The following CACNA1C variants were observed in gnomAD, a reference collection of about 807,000 sequenced individuals.
CACNA1C encodes voltage-dependent L-type calcium channel subunit alpha-1C.
A neutral mutation model predicts 229.0 loss-of-function variants in CACNA1C; 30 were observed. The observed-to-expected ratio is 0.13, with a 90% CI of 0.10 to 0.18. CACNA1C has a LOEUF of 0.18. Ranked by LOEUF, CACNA1C falls within the 10% of genes least tolerant of loss-of-function variation. CACNA1C has a pLI of 1.00. For missense variants in CACNA1C, 1,658 were observed against 2,845.0 expected, an observed-to-expected ratio of 0.58 and a Z score of 9.49; for synonymous variants, 1,114 against 1,132.5, an observed-to-expected ratio of 0.98 and a Z score of 0.33.
intron 31 of CACNA1C, among the ~76,000 whole-genome samples, chr12:2,650,376 T>C (rs928755072): frequency 6.6e-6 from 1 of 152,078 alleles, no homozygotes; most frequent in African/African-American, 2.4e-5. Flanking sequence ...TAGAAATAAT[T>C]AAAGATAAAA....
chr12:2,606,765 T>C, intron 25 of CACNA1C, 102 bp downstream of exon 25: 1 of 1,051,562 alleles, frequency 9.5e-7, no homozygotes, highest in Non-Finnish European at 1.4e-6. Flanking sequence ...AAGACTGCAG[T>C]GGCACCTGCG....
At chr12:2,278,876 A>G (rs1022189897) in intron 3 of CACNA1C, among the ~76,000 whole-genome samples, 1 of 152,224 alleles carries the variant, frequency 6.6e-6, no homozygotes, top group Admixed American at 6.5e-5. Context: ...TGGTTCTTCT[A>G]CATCCTCACC....
chr12:2,341,150 G>A (rs1439576830), intron 3 of CACNA1C, among the ~76,000 whole-genome samples: 3 of 152,126 alleles, frequency 2.0e-5, no homozygotes, highest in Non-Finnish European at 2.9e-5. Context: ...TTTCACCTGC[G>A]GTGGCTTGGG....
At chr12:2,160,421 A>G (rs1439703163) in intron 3 of CACNA1C, among the ~76,000 whole-genome samples, 1 of 152,198 alleles carries the variant, frequency 6.6e-6, no homozygotes, top group African/African-American at 2.4e-5. Flanking sequence ...GCATCCTCAG[A>G]CGGCTCGTAA....
intron 3 of CACNA1C, among the ~76,000 whole-genome samples, chr12:2,260,932 A>G (rs1213429762): frequency 6.6e-6 from 1 of 152,172 alleles, no homozygotes; most frequent in Non-Finnish European, 1.5e-5. Context: ...AACTTAATTC[A>G]TTAAAAAACC....
At chr12:2,151,719 T>C (rs2154215554) in intron 3 of CACNA1C, among the ~76,000 whole-genome samples, 1 of 151,792 alleles carries the variant, frequency 6.6e-6, no homozygotes, top group South Asian at 2.1e-4. Context: ...ATGAAGAGAG[T>C]GTTACAAAAA....
At chr12:2,482,964 A>G (rs1017778474) in intron 5 of CACNA1C, among the ~76,000 whole-genome samples, 3 of 152,204 alleles carry the variant, frequency 2.0e-5, no homozygotes, top group African/African-American at 7.2e-5. Flanking sequence ...TCTAATGATT[A>G]TTGAATGATG....
At chr12:1,994,145 A>G (rs894901509) in intron 1 of CACNA1C, among the ~76,000 whole-genome samples, 1 of 152,254 alleles carries the variant, frequency 6.6e-6, no homozygotes, top group Non-Finnish European at 1.5e-5. Flanking sequence ...AAACTCTAAC[A>G]ACTACATGTG....
chr12:2,512,417 T>A lies in CACNA1C; in HGVS notation c.1218-395T>A, dbSNP rs1454428172. On this transcript the variant is annotated intron_variant, in intron 8 of 46. Coordinates refer to ENST00000399655, the MANE Select transcript of CACNA1C (RefSeq NM_000719.7). The surrounding 1 kb of genome is among the most constrained non-coding windows in gnomAD (Gnocchi z 4.3). Reference sequence around the variant, plus strand: ...AACTACCACTCAATACTGGGTGGGATGGAAATGCATGTTCTGGAATGGTGG... The same window carrying A: ...AACTACCACTCAATACTGGGTGGGAAGGAAATGCATGTTCTGGAATGGTGG... Among the ~76,000 whole-genome samples, 1 of 152,168 alleles carries A rather than the reference T, an allele frequency of 6.6e-6. No individual in the cohort carries two copies. The highest frequency in any genetic ancestry group is 1.5e-5 in the Non-Finnish European group (1 of 68,020).
chr12:2,202,367 C>T (rs2097604800), intron 3 of CACNA1C, among the ~76,000 whole-genome samples: 1 of 152,206 alleles, frequency 6.6e-6, no homozygotes, highest in Admixed American at 6.5e-5. Context: ...TCCCCGTTTG[C>T]CTCCAGCTAA....
intron 3 of CACNA1C, among the ~76,000 whole-genome samples, chr12:2,369,222 C>T (rs2097790056): frequency 6.6e-6 from 1 of 152,060 alleles, no homozygotes; most frequent in African/African-American, 2.4e-5. Flanking sequence ...AAATTCCCCT[C>T]AATTTATGTA....
chr12:2,395,882 T>C (rs1253658030), intron 3 of CACNA1C, among the ~76,000 whole-genome samples: 1 of 152,204 alleles, frequency 6.6e-6, no homozygotes, highest in African/African-American at 2.4e-5. Flanking sequence ...TAGAAGGTGC[T>C]AGGCACAAAC....
intron 21 of CACNA1C, among the ~76,000 whole-genome samples, chr12:2,600,700 G>A (rs569479382): frequency 3.7e-4 from 57 of 152,354 alleles, no homozygotes; most frequent in Non-Finnish European, 6.5e-4. Context: ...GCCAAGTCCT[G>A]TAGCAGTCAT....
At chr12:2,353,122 G>A (rs1449693885) in intron 3 of CACNA1C, among the ~76,000 whole-genome samples, 1 of 152,232 alleles carries the variant, frequency 6.6e-6, no homozygotes, top group East Asian at 1.9e-4. Context: ...AGCAGGTCAG[G>A]TGGGAGGGAG....
At chr12:2,672,097 G>T (rs558538697) in intron 38 of CACNA1C, 3 of 152,332 alleles carry the variant, frequency 2.0e-5, no homozygotes, top group Admixed American at 2.0e-4. Flanking sequence ...ACTTCTCAGC[G>T]TGGAAGGAAT....
At chr12:2,231,160 A>C (rs1169776842) in intron 3 of CACNA1C, among the ~76,000 whole-genome samples, 1 of 152,296 alleles carries the variant, frequency 6.6e-6, no homozygotes, top group South Asian at 2.1e-4. Flanking sequence ...TTTATGTTAT[A>C]ATTTATTGAT....
rs768478608 is a variant in CACNA1C at position 2,139,910 on chromosome 12, C to A, written c.477+19480C>A. Among the ~76,000 whole-genome samples the A allele has an allele frequency of 1.1e-4, 16 of 151,166 alleles. 1 individual carries two copies. The highest frequency in any genetic ancestry group is 4.4e-5 in the Non-Finnish European group (3 of 67,530). ...TGGATCCCTAAGCACCGAGGCCATC[C>A]AGGGAAGGGCTGGCCTCCTCCCTGG... is the stretch of plus-strand genomic sequence containing the variant. On this transcript the variant is annotated intron_variant, in intron 3 of 46. Transcript: ENST00000399655.
At chr12:2,019,015 G>A (rs1001475205) in intron 1 of CACNA1C, among the ~76,000 whole-genome samples, 8 of 152,136 alleles carry the variant, frequency 5.3e-5, no homozygotes, top group Admixed American at 1.3e-4. Context: ...TTAACAGATG[G>A]GATTCTCATG....
At chr12:2,004,471 G>A (rs774361825) in intron 1 of CACNA1C, 1 of 1,579,826 alleles carries the variant, frequency 6.3e-7, no homozygotes, top group Admixed American at 1.7e-5. Flanking sequence ...GCTCTTGGAA[G>A]CCACTCTCAA....
Sources: gnomAD v4.1 joint callset for allele counts (sites outside exome capture counted in the v4.1 genomes callset) on GRCh38, gnomAD v4.1.1 for gene constraint, Gnocchi (gnomAD v3.1) non-coding constraint, MANE v1.5 for transcripts, NCBI Gene and HGNC (gene_info 2026-07-23, HGNC 2026-07-21) for gene names.